Variants in CTBP2 observed in about 807,000 individuals in gnomAD.
The protein encoded by CTBP2 is C-terminal binding protein 2, also known as C-terminal-binding protein 2.
CTBP2 carries 30 observed loss-of-function variants against 80.3 expected under a neutral mutation model. The observed-to-expected ratio is 0.37, with a 90% CI of 0.28 to 0.51. The LOEUF is 0.51. Among genes scored for constraint, CTBP2 ranks in the 20% least tolerant of loss-of-function variants. The pLI is 0.93. For synonymous variants in CTBP2, 594 were observed against 587.4 expected (o/e 1.01, Z -0.16); for missense variants, 1,212 against 1,375.3 (o/e 0.88, Z 1.88).
chr10:125,052,778 G>A (rs1413576265), intron 2 of CTBP2, among the ~76,000 whole-genome samples: 1 of 152,210 alleles, frequency 6.6e-6, no homozygotes, highest in Non-Finnish European at 1.5e-5. Context: ...CTTGGCGGCA[G>A]CCCCAACACA....
intron 1 of CTBP2, among the ~76,000 whole-genome samples, chr10:125,012,624 G>A (rs139465170): frequency 6.6e-6 from 1 of 152,296 alleles, no homozygotes; most frequent in East Asian, 1.9e-4. Flanking sequence ...TCAGGGCATC[G>A]CCAAAGACTA....
At chr10:125,101,859 A>G (rs184774585) in intron 2 of CTBP2, among the ~76,000 whole-genome samples, 10 of 152,272 alleles carry the variant, frequency 6.6e-5, no homozygotes, top group Admixed American at 2.0e-4. Flanking sequence ...TTGTGTGTGT[A>G]CATATATTCA....
At chr10:125,110,414 G>A (rs1479615266) in intron 2 of CTBP2, among the ~76,000 whole-genome samples, 3 of 152,152 alleles carry the variant, frequency 2.0e-5, no homozygotes, top group African/African-American at 7.2e-5. Context: ...ATCCATCAAT[G>A]AGTGTGGTAG....
chr10:125,055,610 T>G (rs554095419), intron 2 of CTBP2, among the ~76,000 whole-genome samples: 1 of 152,122 alleles, frequency 6.6e-6, no homozygotes, highest in South Asian at 2.1e-4. Context: ...ACCAGCCAGA[T>G]GCAAAACACG....
chr10:125,141,644 A>T lies in CTBP2; in HGVS notation c.-206+18675T>A, dbSNP rs534604365. Among the ~76,000 whole-genome samples the T allele has an allele frequency of 3.1e-3, 469 of 152,174 alleles. 3 individuals are homozygous for T. The highest frequency in any genetic ancestry group is 0.011 in the African/African-American group (439 of 41,522). Reference sequence around the variant, plus strand: ...CACATGGCAAGCACACAGTAAACACACGGCAAGTACATGGCAAATACACAG... The same window carrying T: ...CACATGGCAAGCACACAGTAAACACTCGGCAAGTACATGGCAAATACACAG... On this transcript the variant is annotated intron_variant, in intron 1 of 10. Transcript: ENST00000337195.
In CTBP2 at chr10:125,036,636, T is replaced by C. The variant is rs373052650; in HGVS notation, c.58+2361A>G. ...AACATTCTACAAGTAGTTGATAGAA[T>C]AGAAACATGGTGAGAATTCAAAGCT... is the stretch of plus-strand genomic sequence containing the variant. On this transcript the variant is annotated intron_variant, in intron 3 of 10. Coordinates refer to the CTBP2 transcript ENST00000337195. Among the ~76,000 whole-genome samples, 48 of 151,212 alleles carry C rather than the reference T, an allele frequency of 3.2e-4. 1 individual carries two copies. The highest frequency in any genetic ancestry group is 5.7e-4 in the Non-Finnish European group (39 of 67,942).
Position 125,067,917 on chromosome 10 carries a change from G to A in CTBP2, c.-101-28762C>T, listed in dbSNP as rs560446851. Among the ~76,000 whole-genome samples the A allele has an allele frequency of 1.1e-4, 17 of 152,310 alleles. No individual in the cohort carries two copies. In the East Asian group the frequency reaches 2.9e-3, roughly 26 times the overall value. ...AGCCACCGGGCTGCAGACCCAGGGCGGGTCCGATGTATACCCTAGGAGGCA... is the reference window on the plus strand; with the variant it reads ...AGCCACCGGGCTGCAGACCCAGGGCAGGTCCGATGTATACCCTAGGAGGCA... On this transcript the variant is annotated intron_variant, in intron 2 of 10. Transcript: ENST00000337195.
intron 2 of CTBP2, among the ~76,000 whole-genome samples, chr10:125,043,364 C>G (rs1390136707): frequency 6.6e-6 from 1 of 152,196 alleles, no homozygotes. Flanking sequence ...TACCAAGCGC[C>G]CTTAAGGTTA....
intron 4 of CTBP2, chr10:124,997,041 GT>G (rs1413511791): frequency 6.6e-6 from 1 of 152,526 alleles, no homozygotes; most frequent in Non-Finnish European, 1.5e-5. Context: ...AGCGGGGCTT[GT>G]GGGGAGAGGA....
chr10:125,147,021 C>T (rs779658481), intron 1 of CTBP2, among the ~76,000 whole-genome samples: 4 of 152,152 alleles, frequency 2.6e-5, no homozygotes, highest in African/African-American at 7.2e-5. Flanking sequence ...TGACTGAGCA[C>T]CCACAAGAAA....
In CTBP2 at chr10:125,026,161, C is replaced by T. The variant is rs202079080; in HGVS notation, c.1599G>A (p.Thr533=). Residue 533 remains threonine, a synonymous_variant, in exon 1 of 9, where the codon ACG becomes ACA. Coordinates refer to ENST00000309035, the MANE Select transcript of CTBP2 (RefSeq NM_022802.3). ...CCACCTTCTGGTACGGTGAGTGAGG[C>T]GTGTGGAGGCTCTGGCTGGCCGGCG... The T allele has an allele frequency of 2.3e-5, 37 of 1,610,468 alleles. No individual in the cohort carries two copies. The East Asian group carries it at 3.8e-4, about 17-fold the overall frequency.
At position 125,027,659 on chromosome 10, in the gene CTBP2, G is replaced by C; in HGVS notation, c.101C>G (p.Pro34Arg). ...CGTCAGGGAGCTTCTCCTCCCCAGA[G>C]GCCGCAGGGACTCGGCGTTCTCCCA... The change falls in exon 1 of 9, where the codon CCT (proline) becomes CGT (arginine). Residue 34 changes from proline to arginine, a missense_variant. By Grantham distance (103) the Pro-to-Arg change is moderately radical. Coordinates refer to ENST00000309035, the MANE Select transcript of CTBP2 (RefSeq NM_022802.3). The C allele has an allele frequency of 6.2e-7, 1 of 1,614,036 alleles. No individual in the cohort carries two copies. Among genetic ancestry groups the C allele is most frequent in the African/African-American group, 1.3e-5 (1 of 74,998 alleles).
intron 1 of CTBP2, among the ~76,000 whole-genome samples, chr10:125,148,282 A>T (rs1302061765): frequency 6.6e-6 from 1 of 152,088 alleles, no homozygotes; most frequent in African/African-American, 2.4e-5. Context: ...GGGCCCCTAG[A>T]GCAAAACTTT....
At chr10:125,006,944 A>G (rs1291103971) in intron 1 of CTBP2, among the ~76,000 whole-genome samples, 1 of 152,260 alleles carries the variant, frequency 6.6e-6, no homozygotes, top group East Asian at 1.9e-4. Context: ...AAGGCTGACA[A>G]GAGTCCTGCA....
At chr10:125,152,344 G>C (rs968842158) in intron 1 of CTBP2, among the ~76,000 whole-genome samples, 2 of 152,176 alleles carry the variant, frequency 1.3e-5, no homozygotes, top group Admixed American at 6.5e-5. Flanking sequence ...GGTAGAGCGC[G>C]GCCAGGTGTG....
At chr10:125,041,369 C>T (rs1189253745) in intron 2 of CTBP2, among the ~76,000 whole-genome samples, 2 of 152,172 alleles carry the variant, frequency 1.3e-5, no homozygotes, top group Non-Finnish European at 2.9e-5. Context: ...AGGTGTGAGC[C>T]ACTGCGCCTA....
chr10:124,992,834 T>TA (rs1338535815), intron 7 of CTBP2, 22 bp from the exon 10 acceptor site: 1 of 1,545,500 alleles, frequency 6.5e-7, no homozygotes, highest in African/African-American at 1.4e-5. Context: ...TGATTAAAAT[T>TA]AATCATATTA....
chr10:125,033,555 C>T (rs1958494551), intron 3 of CTBP2, among the ~76,000 whole-genome samples: 1 of 152,158 alleles, frequency 6.6e-6, no homozygotes. Context: ...AAATACCTGT[C>T]AATTAGGTTG....
chr10:125,123,154 T>G (rs907889920), intron 1 of CTBP2, among the ~76,000 whole-genome samples: 2 of 152,220 alleles, frequency 1.3e-5, no homozygotes, highest in African/African-American at 2.4e-5. Flanking sequence ...TCTACCCATG[T>G]GTGTCGACCA....
Sources: allele counts gnomAD v4.1 joint callset (sites outside exome capture counted in the v4.1 genomes callset), GRCh38; gene constraint gnomAD v4.1.1; transcripts MANE v1.5; gene names NCBI Gene and HGNC (gene_info 2026-07-23, HGNC 2026-07-21).